The following ITGB3BP variants were observed in gnomAD, a reference collection of about 807,000 sequenced individuals.
ITGB3BP encodes centromere protein R.
Under a neutral mutation model 29.1 loss-of-function variants are expected in ITGB3BP, and 27 were observed. The observed-to-expected ratio is 0.93, with a 90% CI of 0.68 to 1.28. ITGB3BP has a LOEUF of 1.28. ITGB3BP is among the 50% of genes most tolerant of loss of function. ITGB3BP has a pLI of 0.00. For synonymous variants in ITGB3BP, 61 were observed against 61.4 expected, an observed-to-expected ratio of 0.99 and a Z score of 0.03; for missense variants, 192 against 200.2, an observed-to-expected ratio of 0.96 and a Z score of 0.25.
At chr1:63,461,021 C>T (rs1302534205) in intron 4 of ITGB3BP, among the ~76,000 whole-genome samples, 1 of 147,632 alleles carries the variant, frequency 6.8e-6, no homozygotes, top group South Asian at 2.1e-4. Context: ...GGGCAGATCA[C>T]GAGGTTAGGA....
intron 4 of ITGB3BP, among the ~76,000 whole-genome samples, chr1:63,467,066 A>G (rs542404597): frequency 3.9e-5 from 6 of 152,104 alleles, no homozygotes; most frequent in African/African-American, 1.4e-4. Flanking sequence ...TAGTTTTTGT[A>G]GAGATGGGGT....
chr1:63,509,322 G>A (rs1265856093), intron 1 of ITGB3BP, among the ~76,000 whole-genome samples: 1 of 152,122 alleles, frequency 6.6e-6, no homozygotes, highest in Admixed American at 6.5e-5. Flanking sequence ...ATTCAATGCA[G>A]ACTAAATGTT....
At chr1:63,525,696 G>T, upstream of ITGB3BP, 1 of 1,598,934 alleles carries the variant, frequency 6.3e-7, no homozygotes, top group Non-Finnish European at 8.5e-7. Context: ...TTGTAGAGCT[G>T]CCTACTTAAC....
chr1:63,499,034 T>A (rs573895305), intron 2 of ITGB3BP, among the ~76,000 whole-genome samples: 3 of 152,106 alleles, frequency 2.0e-5, no homozygotes, highest in East Asian at 3.9e-4. Flanking sequence ...AGGATTGAAT[T>A]ATGGAGAACA....
rs531014713 is a variant in ITGB3BP, at chr1:63,450,164, C to G, written c.485-3308G>C. Among the ~76,000 whole-genome samples, 7 of 151,952 alleles carry G rather than the reference C, an allele frequency of 4.6e-5. 1 individual carries two copies. In the South Asian group the frequency reaches 1.5e-3, roughly 32 times the overall value. On this transcript the variant is annotated intron_variant, in intron 7 of 8. Transcript: ENST00000271002. ...ACATTGTAGTTTATGCTTTTTAAAA[C>G]AGACCAAAGTTGGAAATTCTGAAAT... is the stretch of plus-strand genomic sequence containing the variant.
At chr1:63,447,055 T>C in intron 7 of ITGB3BP, 199 bp from the exon 8 acceptor site, 1 of 544,718 alleles carries the variant, frequency 1.8e-6, no homozygotes, top group Middle Eastern at 5.0e-4. Context: ...AGAATATACA[T>C]TTTCAAATTT....
At chr1:63,520,628 T>C (rs1646424475) in intron 1 of ITGB3BP, among the ~76,000 whole-genome samples, 1 of 152,192 alleles carries the variant, frequency 6.6e-6, no homozygotes, top group Non-Finnish European at 1.5e-5. Flanking sequence ...AATGTAATAC[T>C]AATGAATAAT....
chr1:63,527,001 G>T (rs1646603512), upstream of ITGB3BP, among the ~76,000 whole-genome samples: 1 of 152,354 alleles, frequency 6.6e-6, no homozygotes, highest in South Asian at 2.1e-4. Flanking sequence ...CTGACCTCAG[G>T]TGATCTGCCT....
intron 2 of ITGB3BP, among the ~76,000 whole-genome samples, chr1:63,499,692 T>C (rs1333000327): frequency 6.6e-6 from 1 of 152,054 alleles, no homozygotes; most frequent in Non-Finnish European, 1.5e-5. Context: ...CATACAAATA[T>C]CAATCAATGT....
At chr1:63,522,690 GAA>G (rs559276463) in intron 1 of ITGB3BP, among the ~76,000 whole-genome samples, 2 of 152,108 alleles carry the variant, frequency 1.3e-5, no homozygotes, top group Non-Finnish European at 2.9e-5. Flanking sequence ...GCCCAACAGT[GAA>G]AGAGTCTTAT....
intron 4 of ITGB3BP, among the ~76,000 whole-genome samples, chr1:63,462,253 G>A (rs1159047641): frequency 6.6e-6 from 1 of 152,096 alleles, no homozygotes. Flanking sequence ...GCAATGGACT[G>A]CTTCCTTAAT....
Position 63,523,168 on chromosome 1 carries a change from A to C in ITGB3BP, c.-35T>G, listed in dbSNP as rs1557663672. The C allele has an allele frequency of 6.2e-7, 1 of 1,613,796 alleles. No homozygotes were observed. Among genetic ancestry groups the C allele is most frequent in the Admixed American group, 1.7e-5 (1 of 60,030 alleles). ...CGGGAAAGCACCACTGCCGCTGAAT[A>C]AAACGAACCCAGCAACTTCCGAAAA... is the stretch of plus-strand genomic sequence containing the variant. On this transcript the variant is annotated 5_prime_UTR_variant, in exon 1 of 9. Coordinates refer to ENST00000271002, the MANE Select transcript of ITGB3BP (RefSeq NM_014288.5).
At chr1:63,458,505 GAGC>G (rs1644967088) in intron 4 of ITGB3BP, 2 of 152,032 alleles carry the variant, frequency 1.3e-5, no homozygotes, top group Non-Finnish European at 2.9e-5. Context: ...CAAAGGAGTA[GAGC>G]AGATGAAAAA....
chr1:63,514,782 C>T (rs916268026), intron 1 of ITGB3BP, among the ~76,000 whole-genome samples: 6 of 151,868 alleles, frequency 4.0e-5, no homozygotes, highest in Admixed American at 2.0e-4. Context: ...CCCATCTCTC[C>T]TAAAAATACA....
intron 7 of ITGB3BP, among the ~76,000 whole-genome samples, chr1:63,453,423 A>C (rs753113023): frequency 1.1e-4 from 17 of 152,162 alleles, no homozygotes; most frequent in Admixed American, 1.3e-4. Context: ...GTGAATGTGT[A>C]CTTCCTATGG....
chr1:63,504,996 G>T (rs2100756468), intron 2 of ITGB3BP, among the ~76,000 whole-genome samples: 1 of 152,286 alleles, frequency 6.6e-6, no homozygotes, highest in African/African-American at 2.4e-5. Context: ...TCTCTGCCAG[G>T]CTTTGGTATC....
Position 63,477,500 on chromosome 1 carries a change from C to T in ITGB3BP, c.254+1264G>A, listed in dbSNP as rs1645360962. 1.3e-5 allele frequency among the ~76,000 whole-genome samples: 2 copies of T among 152,130 alleles called. 1 individual carries two copies. Among genetic ancestry groups the T allele is most frequent in the South Asian group, 4.1e-4 (2 of 4,828 alleles). On this transcript the variant is annotated intron_variant, in intron 4 of 8. Transcript: ENST00000271002. ...TTGGGAGGCCTGGGCGAGTGGGTCG[C>T]TTGAGCCCAGGGGTTCAATACTAGC... is the stretch of plus-strand genomic sequence containing the variant.
intron 4 of ITGB3BP, among the ~76,000 whole-genome samples, chr1:63,473,487 C>T (rs1261268806): frequency 3.4e-5 from 5 of 145,110 alleles, no homozygotes; most frequent in Non-Finnish European, 4.6e-5. Context: ...GGGTCAGCCC[C>T]CCGCCCGGCC....
In ITGB3BP at chr1:63,454,829, C is replaced by A; in HGVS notation, c.333+61G>T. ...TCTTTCCTGGATTGGATTCTCCAATCTGGGACACTTCTTTCATTTTATCCT... is the reference window on the plus strand; with the variant it reads ...TCTTTCCTGGATTGGATTCTCCAATATGGGACACTTCTTTCATTTTATCCT... On this transcript the variant is annotated intron_variant, in intron 5 of 8. Transcript: ENST00000271002. This position sits in a 1 kb window ranked among gnomAD's most constrained non-coding sequence, Gnocchi z 4.1. 1.3e-6 allele frequency: 1 copy of A among 749,782 alleles called. No individual in the cohort carries two copies. The highest frequency in any genetic ancestry group is 2.0e-5 in the South Asian group (1 of 50,260). 46.4% of individuals were successfully genotyped at this position (749,782 alleles called of 1,614,324 possible). A position where few individuals can be genotyped will look rare whatever the true frequency, so the allele number is the denominator to read the frequency against.
Sources: gnomAD v4.1 joint callset for allele counts (sites outside exome capture counted in the v4.1 genomes callset) on GRCh38, gnomAD v4.1.1 for gene constraint, Gnocchi (gnomAD v3.1) non-coding constraint, MANE v1.5 for transcripts, NCBI Gene and HGNC (gene_info 2026-07-23, HGNC 2026-07-21) for gene names.